The following SLC24A4 variants were observed in gnomAD, a reference collection of about 807,000 sequenced individuals.
SLC24A4 encodes sodium/potassium/calcium exchanger 4.
In SLC24A4, 53 loss-of-function variants were observed where a neutral mutation model predicts 79.0. That is an observed-to-expected ratio of 0.67 (90% CI 0.54 to 0.84). The LOEUF (loss-of-function observed/expected upper bound fraction) is 0.84, where lower values mean the gene tolerates loss of function less well. SLC24A4 is among the 40% of genes least tolerant of loss of function. The pLI is 0.00. For synonymous variants in SLC24A4, 323 were observed against 323.8 expected (o/e 1.00, Z 0.03); for missense variants, 731 against 822.0 (o/e 0.89, Z 1.35).
intron 11 of SLC24A4, 148 bp downstream of exon 11, chr14:92,454,217 G>A: frequency 2.7e-6 from 2 of 739,264 alleles, no homozygotes; most frequent in Non-Finnish European, 4.3e-6. Flanking sequence ...TCAGCCACAG[G>A]CAGCAAATTA....
intron 2 of SLC24A4, among the ~76,000 whole-genome samples, chr14:92,389,281 C>G (rs1313214549): frequency 1.3e-5 from 2 of 152,226 alleles, no homozygotes; most frequent in African/African-American, 4.8e-5. Flanking sequence ...GGTGCCTCCC[C>G]TCTGTTTTCT....
intron 2 of SLC24A4, among the ~76,000 whole-genome samples, chr14:92,395,525 C>T (rs569716194): frequency 6.6e-6 from 1 of 152,246 alleles, no homozygotes; most frequent in Non-Finnish European, 1.5e-5. Context: ...AAGGCTAGCT[C>T]CAAAAACTTC....
chr14:92,325,645 T>C (rs1256470779), intron 1 of SLC24A4, among the ~76,000 whole-genome samples: 1 of 152,208 alleles, frequency 6.6e-6, no homozygotes, highest in African/African-American at 2.4e-5. Flanking sequence ...TCAGGTCACA[T>C]GCTGACCCAT....
At chr14:92,410,347 T>C (rs951449088) in intron 2 of SLC24A4, among the ~76,000 whole-genome samples, 6 of 152,146 alleles carry the variant, frequency 3.9e-5, no homozygotes, top group Non-Finnish European at 8.8e-5. Context: ...GCCTGACTAA[T>C]TTTTAAATTT....
At chr14:92,372,061 AAC>A (rs1045615304) in intron 2 of SLC24A4, among the ~76,000 whole-genome samples, 36 of 152,340 alleles carry the variant, frequency 2.4e-4, no homozygotes, top group African/African-American at 8.7e-4. Flanking sequence ...GATAGAGGGA[AAC>A]ACAGGTGATG....
At chr14:92,334,338 G>A (rs1338753085) in intron 2 of SLC24A4, among the ~76,000 whole-genome samples, 1 of 152,148 alleles carries the variant, frequency 6.6e-6, no homozygotes, top group Non-Finnish European at 1.5e-5. Context: ...AACCATACTG[G>A]ACAGCCATAG....
intron 2 of SLC24A4, among the ~76,000 whole-genome samples, chr14:92,349,616 T>C (rs1335361706): frequency 6.7e-6 from 1 of 148,188 alleles, no homozygotes; most frequent in African/African-American, 2.7e-5. Context: ...TGAGAAACTA[T>C]AGTGCAATAT....
intron 2 of SLC24A4, among the ~76,000 whole-genome samples, chr14:92,388,857 G>A (rs1595203368): frequency 6.6e-6 from 1 of 152,188 alleles, no homozygotes; most frequent in East Asian, 1.9e-4. Context: ...GGGCCCAGGA[G>A]ACATCTTGCT....
chr14:92,486,992 C>G (rs1895402627), intron 14 of SLC24A4, among the ~76,000 whole-genome samples: 1 of 152,178 alleles, frequency 6.6e-6, no homozygotes, highest in South Asian at 2.1e-4. Flanking sequence ...AGACCTCTAT[C>G]TAGAAGCTTT....
At chr14:92,421,442 C>T (rs1424292610) in intron 2 of SLC24A4, among the ~76,000 whole-genome samples, 1 of 152,150 alleles carries the variant, frequency 6.6e-6, no homozygotes, top group Non-Finnish European at 1.5e-5. Context: ...TGTGCTTGGG[C>T]ACCATATAAA....
At chr14:92,468,892 CTG>C (rs57575129) in intron 12 of SLC24A4, among the ~76,000 whole-genome samples, 3,398 of 81,332 alleles carry the variant, frequency 0.042, 49 homozygotes, top group Middle Eastern at 0.12. Flanking sequence ...AATCATGTAT[CTG>C]TGTGTGTGTG....
chr14:92,414,373 C>T (rs1437620793), intron 2 of SLC24A4, among the ~76,000 whole-genome samples: 1 of 152,162 alleles, frequency 6.6e-6, no homozygotes, highest in Non-Finnish European at 1.5e-5. Context: ...GAGGGCTTCT[C>T]ACACTACCTG....
At chr14:92,451,172 C>T (rs1293879897) in intron 10 of SLC24A4, 1 of 152,224 alleles carries the variant, frequency 6.6e-6, no homozygotes, top group Non-Finnish European at 1.5e-5. Context: ...AGAAAACAGT[C>T]CTCAGAAAGT....
intron 8 of SLC24A4, among the ~76,000 whole-genome samples, chr14:92,446,305 C>G (rs1248894006): frequency 6.6e-6 from 1 of 152,194 alleles, no homozygotes. Context: ...TGCCACCACA[C>G]CTGTCTAATT....
At chr14:92,328,007 A>C (rs182611579) in intron 2 of SLC24A4, among the ~76,000 whole-genome samples, 110 of 152,276 alleles carry the variant, frequency 7.2e-4, no homozygotes, top group African/African-American at 2.5e-3. Context: ...AATCCTTATC[A>C]CGTTTTTGCC....
intron 12 of SLC24A4, among the ~76,000 whole-genome samples, chr14:92,468,892 C>CCGTGTG (rs1344365121): frequency 7.4e-5 from 6 of 81,480 alleles, no homozygotes; most frequent in African/African-American, 1.9e-4. Context: ...AATCATGTAT[C>CCGTGTG]TGTGTGTGTG....
chr14:92,474,490 G>A (rs1894602578), intron 12 of SLC24A4, among the ~76,000 whole-genome samples: 1 of 151,826 alleles, frequency 6.6e-6, no homozygotes, highest in East Asian at 1.9e-4. Flanking sequence ...TGTTGTTGTT[G>A]TTGTTTTCTT....
chr14:92,470,650 G>A (rs907856938), intron 12 of SLC24A4, among the ~76,000 whole-genome samples: 7 of 152,228 alleles, frequency 4.6e-5, no homozygotes, highest in Middle Eastern at 6.8e-3. Context: ...ATCGGAGTCC[G>A]TGATGAACAT....
At chr14:92,338,830 G>GT (rs1885964458) in intron 2 of SLC24A4, among the ~76,000 whole-genome samples, 1 of 152,236 alleles carries the variant, frequency 6.6e-6, no homozygotes, top group African/African-American at 2.4e-5. Context: ...AAGAATGCAG[G>GT]TATTTGCCAT....
Sources: gnomAD v4.1 joint callset for allele counts (sites outside exome capture counted in the v4.1 genomes callset) on GRCh38, gnomAD v4.1.1 for gene constraint, MANE v1.5 for transcripts, NCBI Gene and HGNC (gene_info 2026-07-23, HGNC 2026-07-21) for gene names.